FAM83B: variants seen among roughly 807,000 people sequenced by gnomAD.
The protein encoded by FAM83B is protein FAM83B.
In FAM83B, 26 loss-of-function variants were observed where a neutral mutation model predicts 38.8. That is an observed-to-expected ratio of 0.67 (90% CI 0.49 to 0.93). The LOEUF (loss-of-function observed/expected upper bound fraction) is 0.93. FAM83B is among the 40% of genes least tolerant of loss of function. The pLI is 0.00. For synonymous variants in FAM83B, 419 were observed against 423.1 expected (o/e 0.99, Z 0.12); for missense variants, 1,237 against 1,197.3 (o/e 1.03, Z -0.49).
chr6:54,916,202 A>T (rs1392098182), intron 2 of FAM83B, among the ~76,000 whole-genome samples: 1 of 152,126 alleles, frequency 6.6e-6, no homozygotes, highest in Non-Finnish European at 1.5e-5. Flanking sequence ...CCTTATGCAG[A>T]GGGATTTTTA....
At chr6:54,930,075 A>G (rs1773387796) in intron 4 of FAM83B, among the ~76,000 whole-genome samples, 1 of 151,910 alleles carries the variant, frequency 6.6e-6, no homozygotes, top group Admixed American at 6.6e-5. Context: ...TTTTTGGAGA[A>G]TTGTATTTAC....
chr6:54,919,007 C>A (rs1773108699), intron 2 of FAM83B, among the ~76,000 whole-genome samples: 1 of 152,104 alleles, frequency 6.6e-6, no homozygotes, highest in African/African-American at 2.4e-5. Context: ...TGTCCTGACC[C>A]TCCAACATCT....
chr6:54,860,320 C>G (rs1490532592), intron 1 of FAM83B, among the ~76,000 whole-genome samples: 1 of 152,090 alleles, frequency 6.6e-6, no homozygotes, highest in African/African-American at 2.4e-5. Flanking sequence ...CTTGCTGAGA[C>G]AGGGATGTGC....
Position 54,941,106 on chromosome 6 carries a change from AT to A in FAM83B, c.2136del (p.Asn712LysfsTer2), listed in dbSNP as rs2127591883. On this transcript the variant is annotated frameshift_variant, in exon 5 of 5. Transcript: ENST00000306858. LOFTEE classifies it low-confidence loss of function (END_TRUNC). ...DLLKSSKSMH[N>X]VTHNLEEDEE... ...CTGAAAAGTTCTAAAAGCATGCACA[AT>A]GTGACTCATAACTTGGAGGAGGATG... 1 of 1,613,746 alleles carries A rather than the reference AT, an allele frequency of 6.2e-7. No individual in the cohort carries two copies. Among genetic ancestry groups the A allele is most frequent in the East Asian group, 2.2e-5 (1 of 44,844 alleles).
At chr6:54,861,371 A>G (rs1316308783) in intron 1 of FAM83B, among the ~76,000 whole-genome samples, 2 of 152,144 alleles carry the variant, frequency 1.3e-5, no homozygotes, top group African/African-American at 4.8e-5. Context: ...CCTGGCCAAC[A>G]TGGCAAAACC....
In FAM83B at chr6:54,895,785, G is replaced by A. The variant is rs575621040; in HGVS notation, c.444+25095G>A. ...AGATGGCGTCTCGCTCTGTTACCCAGGCTGGAGTGCAGTGGGGTGATCTTG... is the reference window on the plus strand; with the variant it reads ...AGATGGCGTCTCGCTCTGTTACCCAAGCTGGAGTGCAGTGGGGTGATCTTG... On this transcript the variant is annotated intron_variant, in intron 2 of 4. Coordinates refer to ENST00000306858, the MANE Select transcript of FAM83B (RefSeq NM_001010872.3). Among the ~76,000 whole-genome samples the A allele has an allele frequency of 2.0e-5, 3 of 152,126 alleles. No homozygotes were observed. In the South Asian group the frequency reaches 6.2e-4, roughly 32 times the overall value.
intron 2 of FAM83B, among the ~76,000 whole-genome samples, chr6:54,884,536 T>C (rs956057172): frequency 1.8e-4 from 28 of 151,552 alleles, no homozygotes; most frequent in African/African-American, 6.8e-4. Flanking sequence ...GAAGATGTTA[T>C]CCTTAATTGA....
chr6:54,918,724 G>A (rs757714670), intron 2 of FAM83B, among the ~76,000 whole-genome samples: 26 of 152,122 alleles, frequency 1.7e-4, no homozygotes, highest in Non-Finnish European at 2.9e-4. Flanking sequence ...TTTGGATGGA[G>A]ACACAGTCAA....
At chr6:54,933,127 T>C (rs1035199316) in intron 4 of FAM83B, among the ~76,000 whole-genome samples, 1 of 151,530 alleles carries the variant, frequency 6.6e-6, no homozygotes, top group African/African-American at 2.4e-5. Flanking sequence ...AGTATATCTT[T>C]GCTTTTCTTC....
intron 1 of FAM83B, among the ~76,000 whole-genome samples, chr6:54,858,036 A>C (rs577812682): frequency 6.6e-6 from 1 of 152,324 alleles, no homozygotes; most frequent in South Asian, 2.1e-4. Flanking sequence ...ATGTGAGTCT[A>C]GAGGAGAAGG....
intron 1 of FAM83B, among the ~76,000 whole-genome samples, chr6:54,869,439 C>T (rs560755805): frequency 6.6e-6 from 1 of 152,102 alleles, no homozygotes; most frequent in Non-Finnish European, 1.5e-5. Flanking sequence ...ATCTCTTACT[C>T]CTGTTAAAAG....
chr6:54,891,719 CCTAGATGCCAAGA>C (rs1197135705), intron 2 of FAM83B, among the ~76,000 whole-genome samples: 1 of 152,174 alleles, frequency 6.6e-6, no homozygotes, highest in Non-Finnish European at 1.5e-5. Flanking sequence ...TCATCACATT[CCTAGATGCCAAGA>C]CTACAGTATC....
intron 2 of FAM83B, among the ~76,000 whole-genome samples, chr6:54,885,408 G>A (rs1772250794): frequency 6.6e-6 from 1 of 151,666 alleles, no homozygotes; most frequent in Admixed American, 6.6e-5. Context: ...TTAATTTTTT[G>A]TCTTAATTTT....
intron 4 of FAM83B, among the ~76,000 whole-genome samples, chr6:54,934,613 A>G (rs553861028): frequency 5.9e-5 from 9 of 152,216 alleles, no homozygotes; most frequent in African/African-American, 2.2e-4. Flanking sequence ...GATAAGTCTC[A>G]TTTTTAGCTC....
At chr6:54,855,213 T>G (rs1771419578) in intron 1 of FAM83B, among the ~76,000 whole-genome samples, 1 of 152,216 alleles carries the variant, frequency 6.6e-6, no homozygotes, top group African/African-American at 2.4e-5. Context: ...ATGAAATACT[T>G]AGTAATTGAT....
At position 54,870,423 on chromosome 6, in the gene FAM83B, A is replaced by G; in HGVS notation, c.177A>G (p.Glu59=). The stretch of plus-strand genomic sequence containing the variant: ...GAGTTTCAGACTTTCTTGCTGAGGA[A>G]GAAATTAATTATATTTTGAAAAATG... ...QERVSDFLAE[E]EINYILKNVQ... Residue 59 remains glutamate (E), a synonymous_variant, in exon 2 of 5, where the codon GAA becomes GAG. Coordinates refer to ENST00000306858, the MANE Select transcript of FAM83B (RefSeq NM_001010872.3). The G allele has an allele frequency of 1.9e-6, 3 of 1,614,066 alleles. No individual in the cohort carries two copies. Among genetic ancestry groups the G allele is most frequent in the Non-Finnish European group, 2.5e-6 (3 of 1,179,956 alleles).
intron 1 of FAM83B, among the ~76,000 whole-genome samples, chr6:54,862,768 C>T (rs1156414886): frequency 6.6e-6 from 1 of 151,784 alleles, no homozygotes; most frequent in Non-Finnish European, 1.5e-5. Flanking sequence ...CCTGTAGTCC[C>T]AGCTACTTGG....
chr6:54,942,363 C>G lies in FAM83B; in HGVS notation c.*356C>G, dbSNP rs1426434331. ...ACCATTTCCTTTTAAAAAGGTCATA[C>G]TACCCTCAGTAACCCTTTATAACAT... On this transcript the variant is annotated 3_prime_UTR_variant, in exon 5 of 5. Coordinates refer to ENST00000306858, the MANE Select transcript of FAM83B (RefSeq NM_001010872.3). Among the ~76,000 whole-genome samples, 1 of 152,134 alleles carries G rather than the reference C, an allele frequency of 6.6e-6. No individual in the cohort carries two copies. The highest frequency in any genetic ancestry group is 6.6e-5 in the Admixed American group (1 of 15,264).
At chr6:54,910,876 T>TG (rs1772891798) in intron 2 of FAM83B, among the ~76,000 whole-genome samples, 1 of 132,662 alleles carries the variant, frequency 7.5e-6, no homozygotes, top group Non-Finnish European at 1.6e-5. Flanking sequence ...TTTGAAGAAC[T>TG]GTTTTTTTTC....
Sources: allele counts gnomAD v4.1 joint callset (sites outside exome capture counted in the v4.1 genomes callset), GRCh38; gene constraint gnomAD v4.1.1; transcripts MANE v1.5; gene names NCBI Gene and HGNC (gene_info 2026-07-23, HGNC 2026-07-21).